Variants in PLAGL1 observed in about 807,000 individuals in gnomAD.
PLAGL1 encodes zinc finger protein PLAGL1.
In PLAGL1, 1 loss-of-function variant was observed where a neutral mutation model predicts 4.6. The observed-to-expected ratio is 0.22, with a 90% CI of 0.08 to 1.03. The LOEUF (loss-of-function observed/expected upper bound fraction) is 1.03. Ranked by LOEUF, PLAGL1 falls within the 50% of genes least tolerant of loss-of-function variation. The pLI is 0.58. For synonymous variants in PLAGL1, 240 were observed against 237.8 expected, an observed-to-expected ratio of 1.01 and a Z score of -0.08; for missense variants, 464 against 570.4, an observed-to-expected ratio of 0.81 and a Z score of 1.90.
intron 1 of PLAGL1, chr6:144,007,272 TG>T (rs1372094509): frequency 6.6e-6 from 1 of 151,380 alleles, no homozygotes; most frequent in Non-Finnish European, 1.5e-5. Context: ...GCGAGACCGG[TG>T]GGTTAATACG....
chr6:143,996,059 G>C (rs1306811097), intron 1 of PLAGL1, among the ~76,000 whole-genome samples: 1 of 152,162 alleles, frequency 6.6e-6, no homozygotes, highest in East Asian at 1.9e-4. Flanking sequence ...GTGACCTGCT[G>C]AGCCACATCG....
chr6:144,058,886 T>A (rs773125815), intron 1 of PLAGL1, among the ~76,000 whole-genome samples: 1 of 151,966 alleles, frequency 6.6e-6, no homozygotes, highest in African/African-American at 2.4e-5. Context: ...TGGAGTTGAG[T>A]GTCTGCATCT....
At chr6:144,052,507 C>G (rs1798646847) in intron 1 of PLAGL1, among the ~76,000 whole-genome samples, 1 of 152,206 alleles carries the variant, frequency 6.6e-6, no homozygotes, top group Non-Finnish European at 1.5e-5. Flanking sequence ...TATCTCCTGT[C>G]TAGCACTCTA....
intron 1 of PLAGL1, among the ~76,000 whole-genome samples, chr6:144,044,953 T>C (rs1798016061): frequency 1.3e-5 from 2 of 151,828 alleles, no homozygotes; most frequent in Non-Finnish European, 2.9e-5. Context: ...TTTTGATCTT[T>C]GTTGGTTTAA....
At position 143,964,087 on chromosome 6, in the gene PLAGL1, C is replaced by T. The variant is rs1314209214; in HGVS notation, c.-399+700G>A. On this transcript the variant is annotated intron_variant, in intron 5 of 7. Coordinates refer to ENST00000674357, the MANE Select transcript of PLAGL1 (RefSeq NM_001317162.2). This position sits in a 1 kb window ranked among gnomAD's most constrained non-coding sequence, Gnocchi z 4.3. ...CTCCCTTCCATCCCCCCATGGCCAA[C>T]CCCCCATCCCAGGGCCTGATAAGGA... 2.0e-5 allele frequency among the ~76,000 whole-genome samples: 3 copies of T among 151,980 alleles called. No individual in the cohort carries two copies. The highest frequency in any genetic ancestry group is 6.6e-5 in the Admixed American group (1 of 15,266).
In PLAGL1 at chr6:144,055,848, AC is replaced by A. The variant is rs1376873792; in HGVS notation, c.-151+8619del. On this transcript the variant is annotated intron_variant, in intron 1 of 3. Coordinates refer to the PLAGL1 transcript ENST00000437412. This position sits in a 1 kb window ranked among gnomAD's most constrained non-coding sequence, Gnocchi z 5.0. Reference sequence around the variant, plus strand: ...ACACAGCCACTGTCTTTCTTTGGGTACTACATTCACACACACAGAGAGATTC... The same window carrying A: ...ACACAGCCACTGTCTTTCTTTGGGTATACATTCACACACACAGAGAGATTC... Among the ~76,000 whole-genome samples the A allele has an allele frequency of 2.0e-5, 3 of 152,228 alleles. No homozygotes were observed. The highest frequency in any genetic ancestry group is 4.8e-5 in the African/African-American group (2 of 41,456).
At chr6:144,052,729 A>T (rs982303425) in intron 1 of PLAGL1, among the ~76,000 whole-genome samples, 1 of 152,132 alleles carries the variant, frequency 6.6e-6, no homozygotes, top group Admixed American at 6.5e-5. Context: ...TACTAAACCA[A>T]AAAAAGAAAA....
At chr6:144,054,981 A>G (rs922983566) in intron 1 of PLAGL1, among the ~76,000 whole-genome samples, 5 of 152,192 alleles carry the variant, frequency 3.3e-5, no homozygotes, top group Non-Finnish European at 7.3e-5. Context: ...GTGTTTGGAC[A>G]TGTACAAATT....
intron 1 of PLAGL1, among the ~76,000 whole-genome samples, chr6:144,023,518 A>T (rs2128700572): frequency 6.6e-6 from 1 of 152,306 alleles, no homozygotes; most frequent in Admixed American, 6.5e-5. Flanking sequence ...ATGCATAAAG[A>T]CAAAAAGGAA....
chr6:144,031,001 A>C (rs1407034562), intron 1 of PLAGL1, among the ~76,000 whole-genome samples: 1 of 150,552 alleles, frequency 6.6e-6, no homozygotes, highest in Non-Finnish European at 1.5e-5. Flanking sequence ...TTCCCTTTCC[A>C]CCGCATCCAC....
intron 2 of PLAGL1, among the ~76,000 whole-genome samples, chr6:143,969,380 A>T (rs942743002): frequency 1.3e-5 from 2 of 152,130 alleles, no homozygotes; most frequent in Non-Finnish European, 2.9e-5. Context: ...AGAATTAAAT[A>T]AACTAATTTG....
In PLAGL1 at chr6:143,942,301, C is replaced by T. The variant is rs760099365; in HGVS notation, c.515G>A (p.Arg172Gln). 7.4e-6 allele frequency: 12 copies of T among 1,614,050 alleles called. No individual in the cohort carries two copies. Among genetic ancestry groups the T allele is most frequent in the African/African-American group, 1.3e-5 (1 of 75,004 alleles). ...TCCTGTGTGGACCACCAGGTGGCGTCGCACATCCTTCCGGGTGTAGAAGCA... is the reference window on the plus strand; with the variant it reads ...TCCTGTGTGGACCACCAGGTGGCGTTGCACATCCTTCCGGGTGTAGAAGCA... ...ERCFYTRKDV[R>Q]RHLVVHTGCK... is the part of the protein sequence containing the mutation. Residue 172 changes from arginine to glutamine, a missense_variant, in exon 8 of 8, where the codon CGA becomes CAA. Arg to Gln is a conservative substitution (Grantham distance 43). This residue lies in a region of PLAGL1 where 35 missense variants were observed against 77.3 expected (regional missense o/e 0.45). Coordinates refer to ENST00000674357, the MANE Select transcript of PLAGL1 (RefSeq NM_001317162.2). This position sits in a 1 kb window ranked among gnomAD's most constrained non-coding sequence, Gnocchi z 7.6.
At position 143,941,473 on chromosome 6, in the gene PLAGL1, G is replaced by A. The variant is rs1778552888; in HGVS notation, c.1343C>T (p.Ala448Val). 3 of 1,514,174 alleles carry A rather than the reference G, an allele frequency of 2.0e-6. No individual in the cohort carries two copies. The highest frequency in any genetic ancestry group is 4.6e-5 in the East Asian group (2 of 43,900). The allele number at this position is 1,514,174 out of a possible 1,614,324, so 93.8% of individuals were successfully genotyped here. A position where few individuals can be genotyped will look rare whatever the true frequency, so the allele number is the denominator to read the frequency against. The change falls in exon 8 of 8, where the codon GCT (alanine) becomes GTT (valine). Residue 448 changes from alanine to valine, a missense_variant. Around this residue, in one of 4 missense-constraint regions of PLAGL1, gnomAD observed 20 missense variants for 46.3 expected, o/e 0.43. Transcript: ENST00000674357. The surrounding 1 kb of genome is among the most constrained non-coding windows in gnomAD (Gnocchi z 6.0). ...AGGCAGGATGGCAGAGCCAGTGCCA[G>A]CTGAGAACACATGAGGGATGGGGGG... Reference protein sequence around the residue: ...PLPPIPHVFSAGTGSAILPHF... With the variant: ...PLPPIPHVFSVGTGSAILPHF...
chr6:144,010,901 A>G (rs935140761), upstream of PLAGL1, among the ~76,000 whole-genome samples: 1 of 152,240 alleles, frequency 6.6e-6, no homozygotes, highest in African/African-American at 2.4e-5. This position sits in a 1 kb window ranked among gnomAD's most constrained non-coding sequence, Gnocchi z 4.1. Flanking sequence ...CTGGTTAGCC[A>G]TATGCAGAAA....
rs939877318 is a variant in PLAGL1 at position 144,016,182 on chromosome 6, C to G, written c.-150-47204G>C. On this transcript the variant is annotated intron_variant, in intron 1 of 3. Transcript: ENST00000437412. This position sits in a 1 kb window ranked among gnomAD's most constrained non-coding sequence, Gnocchi z 4.2. ...TAACTTACATGATCACAAGGTCCCA[C>G]AATAGGCTGTCTGCAAGCTGAGGAG... Among the ~76,000 whole-genome samples, 1 of 152,088 alleles carries G rather than the reference C, an allele frequency of 6.6e-6. No homozygotes were observed. Among genetic ancestry groups the G allele is most frequent in the Non-Finnish European group, 1.5e-5 (1 of 68,034 alleles).
intron 1 of PLAGL1, among the ~76,000 whole-genome samples, chr6:143,999,920 A>G (rs1327756010): frequency 6.6e-6 from 1 of 152,166 alleles, no homozygotes; most frequent in Non-Finnish European, 1.5e-5. Context: ...TCCTCTCAAC[A>G]ACCTTATATG....
At chr6:144,012,910 G>T (rs905910435), upstream of PLAGL1, among the ~76,000 whole-genome samples, 2 of 152,234 alleles carry the variant, frequency 1.3e-5, no homozygotes, top group African/African-American at 2.4e-5. The surrounding 1 kb of genome is among the most constrained non-coding windows in gnomAD (Gnocchi z 4.8). Flanking sequence ...GCCAATGGCT[G>T]CCATGTTTGA....
rs1281038593 is a variant in PLAGL1, at chr6:143,954,162, A to C, written c.-324-5702T>G. ...CTTACCCTATACAAGGCCCCAGCTG[A>C]CAAGCCCCACCTAAGTATACAAAGC... On this transcript the variant is annotated intron_variant, in intron 6 of 7. Transcript: ENST00000674357. The surrounding 1 kb of genome is among the most constrained non-coding windows in gnomAD (Gnocchi z 5.1). Among the ~76,000 whole-genome samples, 1 of 152,154 alleles carries C rather than the reference A, an allele frequency of 6.6e-6. No homozygotes were observed. Among genetic ancestry groups the C allele is most frequent in the Non-Finnish European group, 1.5e-5 (1 of 68,034 alleles).
rs1781437303 is a variant in PLAGL1 at position 143,953,258 on chromosome 6, G to GCACT, written c.-324-4802_-324-4799dup. Among the ~76,000 whole-genome samples the GCACT allele has an allele frequency of 6.6e-6, 1 of 152,238 alleles. No homozygotes were observed. The highest frequency in any genetic ancestry group is 2.4e-5 in the African/African-American group (1 of 41,460). On this transcript the variant is annotated intron_variant, in intron 6 of 7. Transcript: ENST00000674357. The surrounding 1 kb of genome is among the most constrained non-coding windows in gnomAD (Gnocchi z 5.3). ...CTCTAGTTTATCCTCATTGTAGGAA[G>GCACT]CACTACCTGCCCTTCTATTCTGCTC...
Sources: gnomAD v4.1 joint callset for allele counts (sites outside exome capture counted in the v4.1 genomes callset) on GRCh38, gnomAD v4.1.1 for gene constraint, gnomAD v4.1.1 regional missense constraint, Gnocchi (gnomAD v3.1) non-coding constraint, MANE v1.5 for transcripts, NCBI Gene and HGNC (gene_info 2026-07-23, HGNC 2026-07-21) for gene names.